Variants in DPP6 observed in about 807,000 individuals in gnomAD.
DPP6 encodes A-type potassium channel modulatory protein DPP6.
In DPP6, 69 loss-of-function variants were observed where a neutral mutation model predicts 122.6. That is an observed-to-expected ratio of 0.56 (90% CI 0.46 to 0.69). The LOEUF is 0.69. DPP6 is among the 30% of genes least tolerant of loss of function. The probability of loss-of-function intolerance (pLI) is 0.00; values close to 1 mark genes in which losing one functional copy is unlikely to be tolerated. For synonymous variants in DPP6, 418 were observed against 433.1 expected, an observed-to-expected ratio of 0.97 and a Z score of 0.43; for missense variants, 928 against 1,116.9, an observed-to-expected ratio of 0.83 and a Z score of 2.41.
chr7:154,002,766 T>C (rs1797743939), intron 1 of DPP6, among the ~76,000 whole-genome samples: 2 of 152,170 alleles, frequency 1.3e-5, no homozygotes, highest in African/African-American at 4.8e-5. Flanking sequence ...CCATCTCTGC[T>C]TAGAGCCTGA....
At chr7:154,547,902 T>C (rs1002101480) in intron 4 of DPP6, among the ~76,000 whole-genome samples, 3 of 152,228 alleles carry the variant, frequency 2.0e-5, no homozygotes, top group Non-Finnish European at 2.9e-5. Context: ...ACATAGACCA[T>C]GATTTTACTT....
chr7:154,483,104 A>G lies in DPP6; in HGVS notation c.457+8067A>G, dbSNP rs1823459416. 6.6e-6 allele frequency among the ~76,000 whole-genome samples: 1 copy of G among 151,898 alleles called. No individual in the cohort carries two copies. Among genetic ancestry groups the G allele is most frequent in the African/African-American group, 2.4e-5 (1 of 41,348 alleles). On this transcript the variant is annotated intron_variant, in intron 3 of 25. Coordinates refer to ENST00000377770, the MANE Select transcript of DPP6 (RefSeq NM_130797.4). The surrounding 1 kb of genome is among the most constrained non-coding windows in gnomAD (Gnocchi z 8.1). The stretch of plus-strand genomic sequence containing the variant: ...CAGAGCCTCTCGGAGGGAAGAGGGG[A>G]AGAGGGACACGGAGGTGTCTGAGGA...
chr7:154,877,202 G>C lies in DPP6; in HGVS notation c.2078+1102G>C, dbSNP rs1804940977. On this transcript the variant is annotated intron_variant, in intron 20 of 25. Transcript: ENST00000377770. This position sits in a 1 kb window ranked among gnomAD's most constrained non-coding sequence, Gnocchi z 5.2. ...GAATGGTCTTTCAATGGAAAACAATGAGCGTGTGAATGAATGGTTCCGGTC... is the reference window on the plus strand; with the variant it reads ...GAATGGTCTTTCAATGGAAAACAATCAGCGTGTGAATGAATGGTTCCGGTC... 1.3e-5 allele frequency: 2 copies of C among 152,228 alleles called. No individual in the cohort carries two copies. The highest frequency in any genetic ancestry group is 1.9e-4 in the East Asian group (1 of 5,196). 9.4% of individuals were successfully genotyped at this position (152,228 alleles called of 1,614,324 possible).
chr7:154,066,217 G>T (rs7781089), intron 1 of DPP6, among the ~76,000 whole-genome samples: 1,845 of 152,068 alleles, frequency 0.012, 31 homozygotes, highest in African/African-American at 0.043. Flanking sequence ...ACACCAGCAT[G>T]CCTGGCTAAT....
chr7:154,741,288 C>T (rs1842809513), intron 8 of DPP6, among the ~76,000 whole-genome samples: 1 of 152,180 alleles, frequency 6.6e-6, no homozygotes, highest in African/African-American at 2.4e-5. Context: ...TTCTGGGCAC[C>T]CTGAGTCAAG....
At chr7:154,300,173 C>T (rs556835527) in intron 1 of DPP6, among the ~76,000 whole-genome samples, 35 of 152,354 alleles carry the variant, frequency 2.3e-4, no homozygotes, top group African/African-American at 7.2e-4. Flanking sequence ...GCTGGAGTCC[C>T]GGGTTGGCAG....
Position 154,241,261 on chromosome 7 carries a change from A to G in DPP6, c.243+188198A>G, listed in dbSNP as rs1484755632. 1.3e-5 allele frequency among the ~76,000 whole-genome samples: 2 copies of G among 151,634 alleles called. No homozygotes were observed. On this transcript the variant is annotated intron_variant, in intron 1 of 25. Transcript: ENST00000377770. The surrounding 1 kb of genome is among the most constrained non-coding windows in gnomAD (Gnocchi z 9.0). The stretch of plus-strand genomic sequence containing the variant: ...GAGAGAGAGACACTTTTATCCATTT[A>G]GGAAGACAAACATATTCATAACTAT...
intron 6 of DPP6, among the ~76,000 whole-genome samples, chr7:154,638,516 C>T (rs969513439): frequency 1.3e-5 from 2 of 152,106 alleles, no homozygotes; most frequent in African/African-American, 4.8e-5. Flanking sequence ...GACTGGGCCC[C>T]CCGGCTTCAT....
At chr7:153,840,307 GA>G in the DPP6 span, among the ~76,000 whole-genome samples, 3 of 152,052 alleles carry the variant, frequency 2.0e-5, no homozygotes, top group East Asian at 5.8e-4. Flanking sequence ...ATGTAGAAAG[GA>G]TTTTTTATAT....
At chr7:154,531,417 G>A (rs1907615) in intron 3 of DPP6, among the ~76,000 whole-genome samples, 189 of 152,040 alleles carry the variant, frequency 1.2e-3, no homozygotes, top group South Asian at 5.6e-3. Flanking sequence ...CCTATAAACT[G>A]GAAATCTATA....
intron 7 of DPP6, among the ~76,000 whole-genome samples, chr7:154,717,202 C>T (rs753031901): frequency 2.6e-5 from 4 of 152,118 alleles, no homozygotes; most frequent in East Asian, 1.9e-4. Context: ...TTCATCAGCT[C>T]GAACATTTAT....
Position 154,104,002 on chromosome 7 carries a change from C to T in DPP6, c.243+50939C>T, listed in dbSNP as rs117043705. The stretch of plus-strand genomic sequence containing the variant: ...GCAGATGGCCTATGGTGGGACTTCA[C>T]GTCGTGAGCATGTGAGACAATTCTC... On this transcript the variant is annotated intron_variant, in intron 1 of 25. Transcript: ENST00000377770. 9.7e-3 allele frequency among the ~76,000 whole-genome samples: 1,474 copies of T among 152,286 alleles called. 16 individuals carry two copies. The highest frequency in any genetic ancestry group is 0.019 in the Admixed American group (286 of 15,298).
At chr7:154,526,504 C>T (rs112042833) in intron 3 of DPP6, among the ~76,000 whole-genome samples, 4,163 of 152,252 alleles carry the variant, frequency 0.027, 87 homozygotes, top group South Asian at 0.083. Flanking sequence ...TATGTGGTTA[C>T]TGAGAACTTG....
chr7:154,233,207 C>T (rs1012131955), intron 1 of DPP6, among the ~76,000 whole-genome samples: 4 of 152,202 alleles, frequency 2.6e-5, no homozygotes, highest in Admixed American at 1.3e-4. Flanking sequence ...GGAAGCACTT[C>T]TGCCAAGGTT....
Position 154,821,614 on chromosome 7 carries a change from TA to T in DPP6, c.1666+14503del, listed in dbSNP as rs1337925262. 2.9e-3 allele frequency among the ~76,000 whole-genome samples: 129 copies of T among 44,354 alleles called. No homozygotes were observed. Among genetic ancestry groups the T allele is most frequent in the Middle Eastern group, 0.013 (1 of 80 alleles). 29.1% of individuals were successfully genotyped at this position (44,354 alleles called of 152,430 possible). On this transcript the variant is annotated intron_variant, in intron 16 of 25. Coordinates refer to ENST00000377770, the MANE Select transcript of DPP6 (RefSeq NM_130797.4). The surrounding 1 kb of genome is among the most constrained non-coding windows in gnomAD (Gnocchi z 4.2). ...GAAATGTTAAGTGAATATATATATA[TA>T]TATTTTTTTTCTGTATATATATATA...
rs116544398 is a variant in DPP6, at chr7:154,303,199, T to A, written c.244-143015T>A. ...CCCAGAAGGACAGGGTGATCTGAGGTCCTGAGCAACTCTGAGGCTGAAACT... is the reference window on the plus strand; with the variant it reads ...CCCAGAAGGACAGGGTGATCTGAGGACCTGAGCAACTCTGAGGCTGAAACT... On this transcript the variant is annotated intron_variant, in intron 1 of 25. Coordinates refer to ENST00000377770, the MANE Select transcript of DPP6 (RefSeq NM_130797.4). Among the ~76,000 whole-genome samples, 459 of 152,260 alleles carry A rather than the reference T, an allele frequency of 3.0e-3. 1 individual carries two copies. The highest frequency in any genetic ancestry group is 0.011 in the African/African-American group (446 of 41,562).
Position 154,149,769 on chromosome 7 carries a change from A to G in DPP6, c.243+96706A>G, listed in dbSNP as rs3115165. 4.8e-3 allele frequency among the ~76,000 whole-genome samples: 705 copies of G among 146,142 alleles called. 1 individual carries two copies. The highest frequency in any genetic ancestry group is 0.018 in the African/African-American group (660 of 35,810). On this transcript the variant is annotated intron_variant, in intron 1 of 25. Coordinates refer to ENST00000377770, the MANE Select transcript of DPP6 (RefSeq NM_130797.4). ...TCTGGGATGAAGAGAAGACGGAGCAATGGCTGCCACTGACTCAGTGATGTG... is the reference window on the plus strand; with the variant it reads ...TCTGGGATGAAGAGAAGACGGAGCAGTGGCTGCCACTGACTCAGTGATGTG...
the DPP6 span, among the ~76,000 whole-genome samples, chr7:153,832,459 A>G: frequency 6.6e-6 from 1 of 152,230 alleles, no homozygotes. Flanking sequence ...GATGATACAG[A>G]TGTTTGCATT....
chr7:154,226,506 G>C (rs10280940), intron 1 of DPP6, among the ~76,000 whole-genome samples: 1 of 152,044 alleles, frequency 6.6e-6, no homozygotes, highest in Non-Finnish European at 1.5e-5. Flanking sequence ...GGGATTCTTC[G>C]GGGGGCCTTT....
Sources: gnomAD v4.1 joint callset for allele counts (sites outside exome capture counted in the v4.1 genomes callset) on GRCh38, gnomAD v4.1.1 for gene constraint, Gnocchi (gnomAD v3.1) non-coding constraint, MANE v1.5 for transcripts, NCBI Gene and HGNC (gene_info 2026-07-23, HGNC 2026-07-21) for gene names.